Variants in IMPG1 observed in about 807,000 individuals in gnomAD.
The protein encoded by IMPG1 is interphotoreceptor matrix proteoglycan of 150 kDa.
Under a neutral mutation model 92.0 loss-of-function variants are expected in IMPG1, and 85 were observed. The ratio of observed to expected loss-of-function variants is 0.92; its 90% CI spans 0.78 to 1.11. IMPG1 has a LOEUF of 1.11. Ranked by LOEUF, IMPG1 falls within the 50% of genes least tolerant of loss-of-function variation. IMPG1 has a pLI of 0.00. For synonymous variants in IMPG1, 367 were observed against 334.1 expected (o/e 1.10, Z -1.08); for missense variants, 1,022 against 956.0 (o/e 1.07, Z -0.91).
intron 1 of IMPG1, among the ~76,000 whole-genome samples, chr6:76,043,833 A>C (rs759229818): frequency 6.6e-6 from 1 of 152,218 alleles, no homozygotes; most frequent in Admixed American, 6.5e-5. Context: ...CTGTCCCTTC[A>C]TGTGGTGATG....
intron 1 of IMPG1, among the ~76,000 whole-genome samples, chr6:76,050,792 AT>A (rs1056744678): frequency 2.0e-5 from 3 of 151,970 alleles, no homozygotes; most frequent in African/African-American, 4.8e-5. Flanking sequence ...TCTAGAGGAA[AT>A]TTTTTTTAGC....
At chr6:76,035,109 A>C (rs1210855326) in intron 2 of IMPG1, among the ~76,000 whole-genome samples, 2 of 152,122 alleles carry the variant, frequency 1.3e-5, no homozygotes, top group South Asian at 4.1e-4. Flanking sequence ...TGGGAAAAGT[A>C]AAGTCTCCCA....
chr6:75,963,179 T>C (rs1237052980), intron 12 of IMPG1, among the ~76,000 whole-genome samples: 2 of 152,086 alleles, frequency 1.3e-5, no homozygotes, highest in Non-Finnish European at 2.9e-5. Flanking sequence ...ATTGGGAACA[T>C]TGAAGAGAGA....
intron 1 of IMPG1, among the ~76,000 whole-genome samples, chr6:76,049,013 C>T (rs1582129607): frequency 6.6e-6 from 1 of 152,166 alleles, no homozygotes; most frequent in African/African-American, 2.4e-5. Context: ...GACTACTATA[C>T]AGCCATAAAA....
intron 7 of IMPG1, among the ~76,000 whole-genome samples, chr6:76,011,928 CAGG>C (rs1007460528): frequency 7.9e-5 from 12 of 151,876 alleles, no homozygotes; most frequent in African/African-American, 2.7e-4. Flanking sequence ...TTTTTGTCTA[CAGG>C]AGTTTTACTT....
intron 12 of IMPG1, among the ~76,000 whole-genome samples, chr6:75,971,211 C>T (rs9343343): frequency 0.12 from 17,605 of 151,578 alleles, 1,145 homozygotes; most frequent in East Asian, 0.23. Context: ...AGCAAACTAT[C>T]GCACGGACAA....
chr6:76,064,376 T>C (rs1402192664), intron 1 of IMPG1, among the ~76,000 whole-genome samples: 3 of 151,550 alleles, frequency 2.0e-5, no homozygotes, highest in Admixed American at 6.6e-5. Flanking sequence ...TTTTCTTTTT[T>C]TTTTTTTTTT....
At chr6:76,023,594 T>C (rs1315690488) in intron 5 of IMPG1, among the ~76,000 whole-genome samples, 1 of 152,122 alleles carries the variant, frequency 6.6e-6, no homozygotes, top group Non-Finnish European at 1.5e-5. Context: ...CAAAATCTAA[T>C]CTTAACTGTT....
chr6:75,976,651 C>T (rs1344676377), intron 12 of IMPG1, among the ~76,000 whole-genome samples: 4 of 152,172 alleles, frequency 2.6e-5, no homozygotes, highest in African/African-American at 9.6e-5. Context: ...GTGTCTCATG[C>T]CTGTAATCCC....
At chr6:75,973,818 G>A (rs920516049) in intron 12 of IMPG1, among the ~76,000 whole-genome samples, 1 of 152,156 alleles carries the variant, frequency 6.6e-6, no homozygotes, top group Non-Finnish European at 1.5e-5. Flanking sequence ...TGCTAAAGAG[G>A]ACACATAGGG....
intron 12 of IMPG1, among the ~76,000 whole-genome samples, chr6:75,975,013 TA>T (rs1380496669): frequency 6.6e-6 from 1 of 152,224 alleles, no homozygotes; most frequent in Non-Finnish European, 1.5e-5. Flanking sequence ...AGTAGGAAGT[TA>T]TAAAATCACA....
At chr6:76,045,158 A>T (rs1285633347) in intron 1 of IMPG1, among the ~76,000 whole-genome samples, 1 of 152,196 alleles carries the variant, frequency 6.6e-6, no homozygotes, top group African/African-American at 2.4e-5. Context: ...TGGGAAATAA[A>T]TTATAAGGTC....
intron 4 of IMPG1, among the ~76,000 whole-genome samples, chr6:76,025,970 C>CA (rs1783521697): frequency 6.6e-6 from 1 of 152,086 alleles, no homozygotes; most frequent in South Asian, 2.1e-4. Flanking sequence ...GAGGTCCCCC[C>CA]AAAAACTCCA....
At chr6:75,927,688 C>T (rs560398277) in intron 15 of IMPG1, among the ~76,000 whole-genome samples, 9 of 152,086 alleles carry the variant, frequency 5.9e-5, no homozygotes, top group Non-Finnish European at 1.2e-4. Flanking sequence ...GGCATTTCTC[C>T]CTTCTTCCTG....
At chr6:75,974,401 T>C (rs866798953) in intron 12 of IMPG1, among the ~76,000 whole-genome samples, 15,216 of 90,650 alleles carry the variant, frequency 0.17, 1,650 homozygotes, top group East Asian at 0.43. Flanking sequence ...CTTTTCTTTC[T>C]TTCCTTCCTT....
intron 4 of IMPG1, among the ~76,000 whole-genome samples, chr6:76,033,650 G>C (rs1783688034): frequency 6.6e-6 from 1 of 152,178 alleles, no homozygotes; most frequent in Admixed American, 6.5e-5. Flanking sequence ...GCATTGTAAA[G>C]TATTGTCAGT....
At chr6:75,971,524 C>A (rs184306989) in intron 12 of IMPG1, among the ~76,000 whole-genome samples, 256 of 152,226 alleles carry the variant, frequency 1.7e-3, no homozygotes, top group Non-Finnish European at 3.2e-3. Flanking sequence ...TCTGAAATGA[C>A]AGTTAACTCT....
Position 76,018,708 on chromosome 6 carries a change from G to T in IMPG1, c.807+10C>A, listed in dbSNP as rs370892494. 2.5e-6 allele frequency: 4 copies of T among 1,612,224 alleles called. No homozygotes were observed. Among genetic ancestry groups the T allele is most frequent in the East Asian group, 2.2e-5 (1 of 44,824 alleles). ...CTTGAGGTGTGGTTGTATGGGCCGG[G>T]TCTACTCACCTGAAGTTGGGACTTT... On this transcript the variant is annotated intron_variant, in intron 7 of 16. Transcript: ENST00000369950.
At chr6:76,043,384 G>T (rs149682630) in intron 1 of IMPG1, among the ~76,000 whole-genome samples, 1 of 152,228 alleles carries the variant, frequency 6.6e-6, no homozygotes, top group East Asian at 1.9e-4. Flanking sequence ...TTTAAATCTT[G>T]CTGTAAAGCA....
Sources: allele counts gnomAD v4.1 joint callset (sites outside exome capture counted in the v4.1 genomes callset), GRCh38; gene constraint gnomAD v4.1.1; transcripts MANE v1.5; gene names NCBI Gene and HGNC (gene_info 2026-07-23, HGNC 2026-07-21).